CSMD1: variants seen among roughly 807,000 people sequenced by gnomAD.
CSMD1 encodes CUB and sushi domain-containing protein 1.
A neutral mutation model predicts 417.5 loss-of-function variants in CSMD1; 213 were observed. The observed-to-expected ratio is 0.51, with a 90% CI of 0.46 to 0.57. The LOEUF is 0.57. CSMD1 is among the 20% of genes least tolerant of loss of function. The pLI is 0.00. For missense variants in CSMD1, 6,923 were observed against 4,529.7 expected (o/e 1.53, Z -15.17); for synonymous variants, 2,862 against 1,736.8 (o/e 1.65, Z -16.11).
chr8:4,190,983 A>G (rs1372930868), intron 3 of CSMD1, among the ~76,000 whole-genome samples: 1 of 152,124 alleles, frequency 6.6e-6, no homozygotes, highest in Non-Finnish European at 1.5e-5. Context: ...GAGGATCAGG[A>G]CAAATGGATA....
chr8:3,321,020 C>G (rs757747105), intron 23 of CSMD1, among the ~76,000 whole-genome samples: 1 of 152,144 alleles, frequency 6.6e-6, no homozygotes, highest in Non-Finnish European at 1.5e-5. Flanking sequence ...AATGGCCTCG[C>G]TTTTGTATTT....
intron 12 of CSMD1, among the ~76,000 whole-genome samples, chr8:3,461,953 C>A (rs529448703): frequency 6.6e-6 from 1 of 152,154 alleles, no homozygotes; most frequent in Non-Finnish European, 1.5e-5. Flanking sequence ...TCACATGGGC[C>A]GGACAGGAGG....
At chr8:4,413,475 C>T (rs1796758922) in intron 3 of CSMD1, among the ~76,000 whole-genome samples, 1 of 152,152 alleles carries the variant, frequency 6.6e-6, no homozygotes, top group African/African-American at 2.4e-5. Context: ...TAAAGCTGTA[C>T]TTTCAGAAGG....
At chr8:4,355,372 C>A (rs1306648008) in intron 3 of CSMD1, among the ~76,000 whole-genome samples, 1 of 151,764 alleles carries the variant, frequency 6.6e-6, no homozygotes, top group Admixed American at 6.6e-5. Flanking sequence ...ACACAAAACT[C>A]TACAAAAATG....
At chr8:4,622,087 G>A (rs985921641) in intron 2 of CSMD1, among the ~76,000 whole-genome samples, 3 of 151,046 alleles carry the variant, frequency 2.0e-5, no homozygotes, top group Non-Finnish European at 4.4e-5. Flanking sequence ...GTTCTAGGCA[G>A]GAGACAAAAT....
chr8:3,162,506 T>C (rs1463034808), intron 37 of CSMD1, among the ~76,000 whole-genome samples: 2 of 152,188 alleles, frequency 1.3e-5, no homozygotes, highest in Admixed American at 6.6e-5. Flanking sequence ...GAATCAAGGC[T>C]TTGATTTCAA....
intron 2 of CSMD1, among the ~76,000 whole-genome samples, chr8:4,489,286 G>C (rs1000523281): frequency 6.6e-6 from 1 of 152,192 alleles, no homozygotes; most frequent in Non-Finnish European, 1.5e-5. Context: ...GCTGCAGAAA[G>C]TTCTGGGAAA....
intron 12 of CSMD1, among the ~76,000 whole-genome samples, chr8:3,417,266 A>T (rs1488811082): frequency 6.6e-6 from 1 of 152,182 alleles, no homozygotes; most frequent in Admixed American, 6.5e-5. Context: ...TTGCTACTGG[A>T]TTGCAATTAA....
intron 2 of CSMD1, among the ~76,000 whole-genome samples, chr8:4,469,575 T>G (rs756653377): frequency 1.3e-5 from 2 of 152,166 alleles, no homozygotes; most frequent in Middle Eastern, 3.2e-3. Context: ...CAGTAGCTTG[T>G]GCAAACACCT....
At chr8:4,338,285 A>G (rs1218966059) in intron 3 of CSMD1, among the ~76,000 whole-genome samples, 2 of 152,168 alleles carry the variant, frequency 1.3e-5, no homozygotes, top group Non-Finnish European at 2.9e-5. Flanking sequence ...CAAGAGTTCA[A>G]TGCAGTAGTT....
intron 3 of CSMD1, among the ~76,000 whole-genome samples, chr8:4,066,903 T>C (rs1799280112): frequency 6.6e-6 from 1 of 152,198 alleles, no homozygotes; most frequent in Non-Finnish European, 1.5e-5. Context: ...AACTATAACA[T>C]TATGCTTTAA....
chr8:4,217,080 A>G (rs1000962117), intron 3 of CSMD1, among the ~76,000 whole-genome samples: 2 of 152,212 alleles, frequency 1.3e-5, no homozygotes, highest in Non-Finnish European at 2.9e-5. Context: ...CTGTTATACA[A>G]TATAGTAGAT....
chr8:4,506,112 A>G (rs1257035696), intron 2 of CSMD1, among the ~76,000 whole-genome samples: 6 of 152,228 alleles, frequency 3.9e-5, no homozygotes, highest in African/African-American at 9.6e-5. Context: ...TAGTCTTTCT[A>G]GGAGTTGCCA....
chr8:3,222,668 G>C (rs1286611893), intron 28 of CSMD1, among the ~76,000 whole-genome samples: 3 of 152,116 alleles, frequency 2.0e-5, no homozygotes. Context: ...TTTTAAGGAA[G>C]ACGCTACTAG....
intron 12 of CSMD1, among the ~76,000 whole-genome samples, chr8:3,431,877 A>G (rs1814238029): frequency 6.6e-6 from 1 of 152,184 alleles, no homozygotes. Flanking sequence ...GTGAGATAAG[A>G]TATCGGCTGC....
intron 3 of CSMD1, among the ~76,000 whole-genome samples, chr8:4,367,292 C>G (rs1802134269): frequency 6.6e-6 from 1 of 152,072 alleles, no homozygotes; most frequent in African/African-American, 2.4e-5. Flanking sequence ...GACAGTTTTC[C>G]CAGCTCCATT....
Position 3,121,918 on chromosome 8 carries a change from C to A in CSMD1, c.6242-3331G>T, listed in dbSNP as rs546820563. 2.6e-5 allele frequency among the ~76,000 whole-genome samples: 4 copies of A among 152,140 alleles called. No homozygotes were observed. In the East Asian group the frequency reaches 7.7e-4, roughly 29 times the overall value. On this transcript the variant is annotated intron_variant, in intron 41 of 69. Transcript: ENST00000635120. ...AAAACTTAATAAACTGTCATAAGTT[C>A]AAATAAAGTTATTACATTTTATTTA...
chr8:3,696,804 A>G (rs916090830), intron 7 of CSMD1, among the ~76,000 whole-genome samples: 1 of 152,090 alleles, frequency 6.6e-6, no homozygotes, highest in Non-Finnish European at 1.5e-5. Flanking sequence ...TATTTCTTCT[A>G]CTCTTTATCA....
chr8:3,262,185 ATATATATATATATATATATATATAT>A (rs1408717580), intron 26 of CSMD1, among the ~76,000 whole-genome samples: 1 of 46,318 alleles, frequency 2.2e-5, no homozygotes, highest in African/African-American at 1.1e-4. Flanking sequence ...GCTCATATGA[ATATATATATATATATATATATATAT>A]ATATATATAT....
Sources: allele counts gnomAD v4.1 joint callset (sites outside exome capture counted in the v4.1 genomes callset), GRCh38; gene constraint gnomAD v4.1.1; transcripts MANE v1.5; gene names NCBI Gene and HGNC (gene_info 2026-07-23, HGNC 2026-07-21).